Variants in TMEM272 observed in about 807,000 individuals in gnomAD.
TMEM272 encodes the protein long intergenic non-protein coding RNA 282.
TMEM272 carries 8 observed loss-of-function variants against 3.7 expected under a neutral mutation model. That is an observed-to-expected ratio of 2.17 (90% CI 1.27 to 3.91). The LOEUF (loss-of-function observed/expected upper bound fraction) is 3.91. Ranked by LOEUF, TMEM272 falls within the 30% of genes most tolerant of loss-of-function variation. The pLI, the probability that TMEM272 is intolerant of heterozygous loss-of-function variation, is 0.00. For missense variants in TMEM272, 166 were observed against 91.5 expected, an observed-to-expected ratio of 1.81 and a Z score of -3.32; for synonymous variants, 63 against 39.8, an observed-to-expected ratio of 1.58 and a Z score of -2.20.
the TMEM272 span, among the ~76,000 whole-genome samples, chr13:51,907,599 C>T: frequency 1.3e-5 from 2 of 152,202 alleles, no homozygotes; most frequent in Non-Finnish European, 2.9e-5. Flanking sequence ...CCTTGCCTCA[C>T]TCATTCCTTC....
chr13:51,855,548 G>C, the TMEM272 span, among the ~76,000 whole-genome samples: 8,263 of 152,080 alleles, frequency 0.054, 543 homozygotes, highest in African/African-American at 0.16. Context: ...TTAATAAATG[G>C]AATTAAAAAT....
At chr13:51,907,399 A>G in the TMEM272 span, among the ~76,000 whole-genome samples, 5 of 152,262 alleles carry the variant, frequency 3.3e-5, no homozygotes, top group South Asian at 1.0e-3. Flanking sequence ...TCACACACAA[A>G]CTAACCAGTC....
At position 51,820,780 on chromosome 13, in the gene TMEM272, C is replaced by A. The variant is rs571671802; in HGVS notation, c.201+1275G>T. The stretch of plus-strand genomic sequence containing the variant: ...GGGCCATGGGGAAAATGTGGCCCCG[C>A]TGAGCCAAGAGCCTTTGGGTTTTCT... On this transcript the variant is annotated intron_variant, in intron 4 of 4. Transcript: ENST00000629372. Among the ~76,000 whole-genome samples, 3 of 152,296 alleles carry A rather than the reference C, an allele frequency of 2.0e-5. No individual in the cohort carries two copies. In the South Asian group the frequency reaches 6.2e-4, roughly 32 times the overall value.
the TMEM272 span, among the ~76,000 whole-genome samples, chr13:51,879,243 TG>T: frequency 0.011 from 1,684 of 152,328 alleles, 13 homozygotes; most frequent in Non-Finnish European, 0.018. Context: ...AGGGACTTCC[TG>T]TGCTCTTTAC....
chr13:51,924,853 C>T, the TMEM272 span, among the ~76,000 whole-genome samples: 276 of 152,294 alleles, frequency 1.8e-3, 2 homozygotes, highest in African/African-American at 6.3e-3. Flanking sequence ...CACCCTCTCT[C>T]AGCAGCATTC....
upstream of TMEM272, among the ~76,000 whole-genome samples, chr13:51,846,528 T>G (rs1956307162): frequency 1.5e-5 from 2 of 136,426 alleles, no homozygotes; most frequent in Admixed American, 1.5e-4. Flanking sequence ...TATGTATTTA[T>G]ACTATACTTT....
chr13:51,913,113 A>T, the TMEM272 span, among the ~76,000 whole-genome samples: 3 of 152,202 alleles, frequency 2.0e-5, no homozygotes, highest in South Asian at 2.1e-4. Flanking sequence ...GTCTGTGCTC[A>T]TGTTATCCTA....
At chr13:51,917,943 G>C in the TMEM272 span, among the ~76,000 whole-genome samples, 1 of 152,050 alleles carries the variant, frequency 6.6e-6, no homozygotes, top group African/African-American at 2.4e-5. Context: ...CCTGTTTATT[G>C]AGAGATTCAT....
chr13:51,919,293 G>C, the TMEM272 span, among the ~76,000 whole-genome samples: 15 of 152,070 alleles, frequency 9.9e-5, no homozygotes, highest in Admixed American at 9.8e-4. Context: ...AGAATAAGAA[G>C]ACAAAATCCC....
At chr13:51,868,223 C>T in the TMEM272 span, among the ~76,000 whole-genome samples, 2 of 152,206 alleles carry the variant, frequency 1.3e-5, no homozygotes, top group Non-Finnish European at 2.9e-5. Flanking sequence ...TAATTCTTGC[C>T]TACGGGAAGC....
At chr13:51,841,532 G>A (rs1425985749) in intron 1 of TMEM272, among the ~76,000 whole-genome samples, 5 of 152,174 alleles carry the variant, frequency 3.3e-5, no homozygotes, top group Non-Finnish European at 5.9e-5. Flanking sequence ...TGGGGTAAGA[G>A]GTCACGCTTT....
rs1956011574 is a variant in TMEM272 at position 51,815,451 on chromosome 13, A to G, written c.*1300T>C. On this transcript the variant is annotated 3_prime_UTR_variant, in exon 5 of 5. Transcript: ENST00000629372. Reference sequence around the variant, plus strand: ...GGAGAAGAATGAGCCTCTTGGTTTGAGCTGACACTTCTGATGAAGGGAGGT... The same window carrying G: ...GGAGAAGAATGAGCCTCTTGGTTTGGGCTGACACTTCTGATGAAGGGAGGT... 1 of 152,542 alleles carries G rather than the reference A, an allele frequency of 6.6e-6. No homozygotes were observed. Among genetic ancestry groups the G allele is most frequent in the Non-Finnish European group, 1.5e-5 (1 of 68,050 alleles). 9.4% of individuals were successfully genotyped at this position (152,542 alleles called of 1,614,324 possible). A position where few individuals can be genotyped will look rare whatever the true frequency, so the allele number is the denominator to read the frequency against.
the TMEM272 span, among the ~76,000 whole-genome samples, chr13:51,871,098 C>T: frequency 6.6e-6 from 1 of 152,126 alleles, no homozygotes; most frequent in East Asian, 1.9e-4. Flanking sequence ...TGATTCTCCC[C>T]CTCTGGTATG....
the TMEM272 span, among the ~76,000 whole-genome samples, chr13:51,886,817 C>T: frequency 2.6e-5 from 4 of 152,124 alleles, no homozygotes; most frequent in Non-Finnish European, 5.9e-5. Flanking sequence ...CTGTGCTAAA[C>T]AATGCTGAGA....
Position 51,815,716 on chromosome 13 carries a change from A to T in TMEM272, c.*1035T>A, listed in dbSNP as rs1956015572. On this transcript the variant is annotated 3_prime_UTR_variant, in exon 5 of 5. Transcript: ENST00000629372. ...CTTTTTGCTCATAAAGAGGCTCCCCAGCGAGCACTGACAACAGACCTGGAC... is the reference window on the plus strand; with the variant it reads ...CTTTTTGCTCATAAAGAGGCTCCCCTGCGAGCACTGACAACAGACCTGGAC... 2 of 152,264 alleles carry T rather than the reference A, an allele frequency of 1.3e-5. No individual in the cohort carries two copies. The highest frequency in any genetic ancestry group is 4.8e-5 in the African/African-American group (2 of 41,458). The allele number at this position is 152,264 out of a possible 1,614,324, so 9.4% of individuals were successfully genotyped here.
the TMEM272 span, among the ~76,000 whole-genome samples, chr13:51,883,496 C>T: frequency 1.5e-3 from 232 of 152,278 alleles, no homozygotes; most frequent in African/African-American, 5.4e-3. Context: ...GGATGGCCGT[C>T]TGTGAGGCTG....
chr13:51,924,301 T>C, the TMEM272 span, among the ~76,000 whole-genome samples: 43 of 152,248 alleles, frequency 2.8e-4, no homozygotes, highest in East Asian at 2.7e-3. Context: ...TCACCTGTAA[T>C]CCCAACTCTT....
chr13:51,832,198 C>G (rs1436514177), intron 2 of TMEM272, among the ~76,000 whole-genome samples: 1 of 152,050 alleles, frequency 6.6e-6, no homozygotes, highest in African/African-American at 2.4e-5. Context: ...TGCTGCTGCC[C>G]GTGATTGTCA....
intron 1 of TMEM272, among the ~76,000 whole-genome samples, chr13:51,843,361 A>G (rs1277174462): frequency 6.6e-6 from 1 of 152,212 alleles, no homozygotes; most frequent in Non-Finnish European, 1.5e-5. Flanking sequence ...CCTATTCACT[A>G]TTATGGTGGG....
Sources: gnomAD v4.1 joint callset for allele counts (sites outside exome capture counted in the v4.1 genomes callset) on GRCh38, gnomAD v4.1.1 for gene constraint, MANE v1.5 for transcripts, NCBI Gene and HGNC (gene_info 2026-07-23, HGNC 2026-07-21) for gene names.